USP12: variants seen among roughly 807,000 people sequenced by gnomAD.
The protein encoded by USP12 is ubiquitin specific peptidase 12, also known as ubiquitin carboxyl-terminal hydrolase 12.
USP12 carries 19 observed loss-of-function variants against 45.5 expected under a neutral mutation model. The observed-to-expected ratio is 0.42, with a 90% CI of 0.29 to 0.61. The LOEUF is 0.61. Ranked by LOEUF, USP12 falls within the 20% of genes least tolerant of loss-of-function variation. USP12 has a pLI of 0.22. For missense variants in USP12, 242 were observed against 447.7 expected, an observed-to-expected ratio of 0.54 and a Z score of 4.15; for synonymous variants, 149 against 148.8, an observed-to-expected ratio of 1.00 and a Z score of -0.01.
At chr13:27,102,432 C>T (rs1874912760) in intron 3 of USP12, among the ~76,000 whole-genome samples, 1 of 152,194 alleles carries the variant, frequency 6.6e-6, no homozygotes, top group South Asian at 2.1e-4. Flanking sequence ...AACGTATCAC[C>T]CACCTGCTCA....
intron 1 of USP12, among the ~76,000 whole-genome samples, chr13:27,151,887 T>C (rs997978713): frequency 6.6e-6 from 1 of 152,270 alleles, no homozygotes; most frequent in South Asian, 2.1e-4. Flanking sequence ...GGCCAATAAG[T>C]ACCTAAAGAG....
chr13:27,108,954 A>G (rs138914322), intron 2 of USP12, among the ~76,000 whole-genome samples: 66 of 152,282 alleles, frequency 4.3e-4, no homozygotes, highest in African/African-American at 1.6e-3. Flanking sequence ...AAAAAGATAC[A>G]TATGTGTGTG....
intron 1 of USP12, among the ~76,000 whole-genome samples, chr13:27,135,165 T>C (rs939114303): frequency 2.2e-4 from 34 of 152,002 alleles, no homozygotes; most frequent in Admixed American, 1.2e-3. Flanking sequence ...AGTGCGTCTG[T>C]AGTCCCAGCT....
chr13:27,094,900 A>G (rs1874498234), intron 4 of USP12, among the ~76,000 whole-genome samples: 1 of 152,056 alleles, frequency 6.6e-6, no homozygotes, highest in Admixed American at 6.5e-5. Flanking sequence ...GTAATCCCAG[A>G]ACTTTGAGAG....
intron 6 of USP12, among the ~76,000 whole-genome samples, chr13:27,075,922 C>T (rs760815993): frequency 1.3e-5 from 2 of 150,576 alleles, no homozygotes; most frequent in Non-Finnish European, 2.9e-5. Context: ...CCCAGCTACT[C>T]GGGAAGCTGG....
intron 6 of USP12, among the ~76,000 whole-genome samples, chr13:27,086,711 C>T (rs1874062607): frequency 6.6e-6 from 1 of 152,050 alleles, no homozygotes; most frequent in Non-Finnish European, 1.5e-5. Flanking sequence ...TCCATATAGT[C>T]AGTAAAGTCT....
chr13:27,123,246 T>C (rs1023782638), intron 1 of USP12, among the ~76,000 whole-genome samples: 2 of 152,296 alleles, frequency 1.3e-5, no homozygotes, highest in South Asian at 2.1e-4. Flanking sequence ...AAATTATAAA[T>C]GACCTGTAAC....
Position 27,068,867 on chromosome 13 carries a change from T to C in USP12, c.*416A>G, listed in dbSNP as rs9581809. On this transcript the variant is annotated 3_prime_UTR_variant, in exon 9 of 9. Transcript: ENST00000282344. ...AGACCACTGAATATGCTTCTATACA[T>C]ACTGAACCAGGCAAATTTATGCAGT... 20,097 of 199,448 alleles carry C rather than the reference T, an allele frequency of 0.1. 1,286 individuals are homozygous for C. Among genetic ancestry groups the C allele is most frequent in the Middle Eastern group, 0.16 (78 of 498 alleles). 12.4% of individuals were successfully genotyped at this position (199,448 alleles called of 1,614,324 possible).
chr13:27,120,415 C>T (rs542143609), intron 1 of USP12, among the ~76,000 whole-genome samples: 4 of 152,204 alleles, frequency 2.6e-5, no homozygotes, highest in East Asian at 1.9e-4. Context: ...CACTTTGAGA[C>T]GATGAGGCAG....
chr13:27,072,354 G>A (rs1005384530), intron 7 of USP12, among the ~76,000 whole-genome samples: 4 of 152,002 alleles, frequency 2.6e-5, no homozygotes, highest in Admixed American at 6.6e-5. Context: ...AAAGTTAGGC[G>A]GCTTTTTCCT....
At chr13:27,141,785 A>C (rs776455557) in intron 1 of USP12, among the ~76,000 whole-genome samples, 7 of 152,166 alleles carry the variant, frequency 4.6e-5, no homozygotes, top group Non-Finnish European at 7.3e-5. Flanking sequence ...CTAATTTGAA[A>C]ATCTGAACTC....
intron 7 of USP12, among the ~76,000 whole-genome samples, chr13:27,073,803 T>C (rs1221604277): frequency 5.3e-5 from 8 of 152,230 alleles, no homozygotes; most frequent in Non-Finnish European, 1.0e-4. Context: ...ATTTACATTT[T>C]CTAGAAGAGA....
At chr13:27,119,185 G>C (rs544884123) in intron 1 of USP12, among the ~76,000 whole-genome samples, 1 of 152,262 alleles carries the variant, frequency 6.6e-6, no homozygotes, top group African/African-American at 2.4e-5. Flanking sequence ...CATCTTTTCT[G>C]CTCCGTGCAA....
At chr13:27,161,323 A>G (rs1325936067) in intron 1 of USP12, among the ~76,000 whole-genome samples, 2 of 152,254 alleles carry the variant, frequency 1.3e-5, no homozygotes, top group African/African-American at 4.8e-5. Context: ...ATGTTCATCT[A>G]CAGAATCTCA....
Position 27,129,886 on chromosome 13 carries a change from C to T in USP12, c.49-13290G>A, listed in dbSNP as rs1202769629. On this transcript the variant is annotated intron_variant, in intron 1 of 8. Coordinates refer to ENST00000282344, the MANE Select transcript of USP12 (RefSeq NM_182488.4). The surrounding 1 kb of genome is among the most constrained non-coding windows in gnomAD (Gnocchi z 4.0). ...GCATGAAGCACGGTCACATCCAAAA[C>T]ATACGAGTGGAGTGACCAACATGAA... 6.6e-6 allele frequency among the ~76,000 whole-genome samples: 1 copy of T among 152,160 alleles called. No individual in the cohort carries two copies. The highest frequency in any genetic ancestry group is 1.5e-5 in the Non-Finnish European group (1 of 68,026).
At chr13:27,162,295 ACAGATATG>A (rs1878146082) in intron 1 of USP12, among the ~76,000 whole-genome samples, 1 of 152,222 alleles carries the variant, frequency 6.6e-6, no homozygotes, top group African/African-American at 2.4e-5. Context: ...TCACACACAC[ACAGATATG>A]CAGCCGAAAA....
intron 1 of USP12, among the ~76,000 whole-genome samples, chr13:27,144,987 A>T (rs1593206755): frequency 6.6e-6 from 1 of 152,164 alleles, no homozygotes; most frequent in East Asian, 1.9e-4. Flanking sequence ...GAATCACCTA[A>T]GCCCAGGATG....
chr13:27,077,783 T>A (rs1471485706), intron 6 of USP12: 1 of 152,126 alleles, frequency 6.6e-6, no homozygotes, highest in Admixed American at 6.5e-5. Context: ...AAGAAGTTGA[T>A]TTCCTGCTCA....
At chr13:27,077,856 C>T (rs1873561845) in intron 6 of USP12, 1 of 151,906 alleles carries the variant, frequency 6.6e-6, no homozygotes, top group African/African-American at 2.4e-5. Context: ...TCCATTCAAA[C>T]TTGTGGGGAG....
Sources: allele counts gnomAD v4.1 joint callset (sites outside exome capture counted in the v4.1 genomes callset), GRCh38; gene constraint gnomAD v4.1.1; non-coding constraint Gnocchi (gnomAD v3.1); transcripts MANE v1.5; gene names NCBI Gene and HGNC (gene_info 2026-07-23, HGNC 2026-07-21).